The following CCDC91 variants were observed in gnomAD, a reference collection of about 807,000 sequenced individuals.
The protein encoded by CCDC91 is coiled-coil domain-containing protein 91.
Under a neutral mutation model 63.2 loss-of-function variants are expected in CCDC91, and 48 were observed. That is an observed-to-expected ratio of 0.76 (90% CI 0.60 to 0.97). The LOEUF is 0.97. Ranked by LOEUF, CCDC91 falls within the 50% of genes least tolerant of loss-of-function variation. CCDC91 has a pLI of 0.00. For missense variants in CCDC91, 500 were observed against 494.6 expected, an observed-to-expected ratio of 1.01 and a Z score of -0.10; for synonymous variants, 167 against 165.8, an observed-to-expected ratio of 1.01 and a Z score of -0.06.
At position 28,464,539 on chromosome 12, in the gene CCDC91, GC is replaced by G. The variant is rs142994535; in HGVS notation, c.1101+11887del. Among the ~76,000 whole-genome samples the G allele has an allele frequency of 1.4e-4, 21 of 152,278 alleles. No homozygotes were observed. In the East Asian group the frequency reaches 4.1e-3, roughly 29 times the overall value. On this transcript the variant is annotated intron_variant, in intron 11 of 12. Coordinates refer to ENST00000536442, the MANE Select transcript of CCDC91 (RefSeq NM_018318.5). The stretch of plus-strand genomic sequence containing the variant: ...ATAGAGCATTGGTCAGAGTCACGAG[GC>G]CTCCTTTCCAGGCCCTAGCTCCTGG...
chr12:28,246,685 A>G (rs1398570668), intron 1 of CCDC91, among the ~76,000 whole-genome samples: 3 of 152,192 alleles, frequency 2.0e-5, no homozygotes, highest in African/African-American at 7.2e-5. Flanking sequence ...GCAGAATGAC[A>G]AGAAGTAAGT....
At chr12:28,333,153 T>C (rs555394206) in intron 6 of CCDC91, among the ~76,000 whole-genome samples, 8 of 152,080 alleles carry the variant, frequency 5.3e-5, no homozygotes, top group Non-Finnish European at 4.4e-5. Flanking sequence ...TGCAGCACTT[T>C]GGGAGGCTGA....
chr12:28,441,152 T>C (rs1949186281), intron 8 of CCDC91, among the ~76,000 whole-genome samples: 2 of 150,220 alleles, frequency 1.3e-5, no homozygotes, highest in African/African-American at 2.5e-5. Flanking sequence ...ATACTTAACA[T>C]TTTTAGTCAT....
chr12:28,432,481 C>T (rs1234857705), intron 8 of CCDC91, among the ~76,000 whole-genome samples: 1 of 152,058 alleles, frequency 6.6e-6, no homozygotes, highest in Admixed American at 6.6e-5. Flanking sequence ...CCTGCTGCCA[C>T]GTAAGACTTG....
rs192162648 is a variant in CCDC91, at chr12:28,326,413, A to G, written c.576+18664A>G. On this transcript the variant is annotated intron_variant, in intron 6 of 12. Transcript: ENST00000536442. The stretch of plus-strand genomic sequence containing the variant: ...ATTGTTTTTTTTTAAATTTATTATT[A>G]TTATACTTTAAGTTTTAGGGTACAT... Among the ~76,000 whole-genome samples the G allele has an allele frequency of 1.3e-3, 190 of 147,182 alleles. 1 individual carries two copies. The highest frequency in any genetic ancestry group is 4.4e-3 in the African/African-American group (176 of 40,148).
intron 8 of CCDC91, among the ~76,000 whole-genome samples, chr12:28,437,488 G>A (rs1475878408): frequency 6.6e-6 from 1 of 151,958 alleles, no homozygotes; most frequent in Non-Finnish European, 1.5e-5. Context: ...TGATATAAGA[G>A]TTTTTATTTC....
intron 8 of CCDC91, among the ~76,000 whole-genome samples, chr12:28,409,646 T>C (rs1275664279): frequency 1.3e-5 from 2 of 152,134 alleles, no homozygotes; most frequent in African/African-American, 2.4e-5. Context: ...AGGTCTTGCA[T>C]TGAGGCTTTT....
At chr12:28,301,867 A>AT (rs1225910273) in intron 3 of CCDC91, among the ~76,000 whole-genome samples, 5 of 150,888 alleles carry the variant, frequency 3.3e-5, no homozygotes, top group South Asian at 2.1e-4. Context: ...TTGCTTACTA[A>AT]TTTTTTCTGT....
chr12:28,292,106 A>G (rs1217561483), intron 3 of CCDC91, among the ~76,000 whole-genome samples: 2 of 152,230 alleles, frequency 1.3e-5, no homozygotes, highest in Non-Finnish European at 2.9e-5. Context: ...TTTGTCTAAC[A>G]TCATTTCCAT....
intron 7 of CCDC91, among the ~76,000 whole-genome samples, chr12:28,367,988 C>T (rs1944382958): frequency 6.6e-6 from 1 of 152,190 alleles, no homozygotes. Context: ...GGGTCTCCAG[C>T]CTGTCAGCCT....
At chr12:28,207,699 A>G (rs943087316) in intron 1 of CCDC91, among the ~76,000 whole-genome samples, 3 of 152,188 alleles carry the variant, frequency 2.0e-5, no homozygotes, top group African/African-American at 7.2e-5. Context: ...TATTTTCACA[A>G]TTTATAAGTC....
At chr12:28,427,247 AGAGCGCG>A (rs1948370186) in intron 8 of CCDC91, among the ~76,000 whole-genome samples, 1 of 152,158 alleles carries the variant, frequency 6.6e-6, no homozygotes, top group African/African-American at 2.4e-5. Flanking sequence ...TAAAAAGGCT[AGAGCGCG>A]CTGGAATCTT....
chr12:28,193,841 G>A (rs1204648389), intron 1 of CCDC91, among the ~76,000 whole-genome samples: 2 of 146,776 alleles, frequency 1.4e-5, no homozygotes, highest in East Asian at 3.9e-4. Flanking sequence ...TTTGCCATCT[G>A]TGTATCTTCT....
At position 28,354,390 on chromosome 12, in the gene CCDC91, C is replaced by T. The variant is rs75127618; in HGVS notation, c.577-8048C>T. 7.6e-3 allele frequency among the ~76,000 whole-genome samples: 1,151 copies of T among 152,234 alleles called. 19 individuals are homozygous for T. Among genetic ancestry groups the T allele is most frequent in the African/African-American group, 0.026 (1,073 of 41,522 alleles). On this transcript the variant is annotated intron_variant, in intron 6 of 12. Coordinates refer to ENST00000536442, the MANE Select transcript of CCDC91 (RefSeq NM_018318.5). ...ACCAATAATTGGACTTTGGGCCCATCCTAAGTCCAGGATAATCTCATCTTA... is the reference window on the plus strand; with the variant it reads ...ACCAATAATTGGACTTTGGGCCCATTCTAAGTCCAGGATAATCTCATCTTA...
At chr12:28,240,722 A>G (rs181069174) in intron 1 of CCDC91, among the ~76,000 whole-genome samples, 1 of 152,200 alleles carries the variant, frequency 6.6e-6, no homozygotes, top group East Asian at 1.9e-4. Context: ...ATAGCTGATA[A>G]GTATTACAGT....
At chr12:28,212,206 A>C (rs1313344730) in intron 1 of CCDC91, among the ~76,000 whole-genome samples, 1 of 152,142 alleles carries the variant, frequency 6.6e-6, no homozygotes, top group African/African-American at 2.4e-5. Flanking sequence ...TTCTGACACT[A>C]TCTGTTAAAA....
chr12:28,477,775 C>T (rs1426224848), intron 11 of CCDC91, among the ~76,000 whole-genome samples: 2 of 152,126 alleles, frequency 1.3e-5, no homozygotes, highest in Non-Finnish European at 2.9e-5. Context: ...TCTCAGGATA[C>T]AAAATCAATG....
intron 3 of CCDC91, among the ~76,000 whole-genome samples, chr12:28,290,410 A>G (rs1425031932): frequency 6.6e-6 from 1 of 151,996 alleles, no homozygotes; most frequent in East Asian, 1.9e-4. Flanking sequence ...TACATGTGAG[A>G]TGGGTCTCTT....
chr12:28,408,674 G>A (rs1947123387), intron 8 of CCDC91, among the ~76,000 whole-genome samples: 1 of 151,818 alleles, frequency 6.6e-6, no homozygotes, highest in Non-Finnish European at 1.5e-5. Context: ...GCAGAGTCTT[G>A]CTCTGTATCC....
Sources: allele counts gnomAD v4.1 joint callset (sites outside exome capture counted in the v4.1 genomes callset), GRCh38; gene constraint gnomAD v4.1.1; transcripts MANE v1.5; gene names NCBI Gene and HGNC (gene_info 2026-07-23, HGNC 2026-07-21).